Variants in NHLRC2 observed in about 807,000 individuals in gnomAD.
The protein encoded by NHLRC2 is NHL repeat-containing protein 2.
Under a neutral mutation model 68.1 loss-of-function variants are expected in NHLRC2, and 33 were observed. That is an observed-to-expected ratio of 0.48 (90% CI 0.37 to 0.65). NHLRC2 has a LOEUF of 0.65. Ranked by LOEUF, NHLRC2 falls within the 30% of genes least tolerant of loss-of-function variation. The probability of loss-of-function intolerance (pLI) is 0.00; values close to 1 mark genes in which losing one functional copy is unlikely to be tolerated. For synonymous variants in NHLRC2, 311 were observed against 309.6 expected, an observed-to-expected ratio of 1.00 and a Z score of -0.05; for missense variants, 761 against 853.8, an observed-to-expected ratio of 0.89 and a Z score of 1.35.
At chr10:113,902,033 G>C (rs1846234083) in intron 7 of NHLRC2, 136 bp downstream of exon 7, 4 of 631,844 alleles carry the variant, frequency 6.3e-6, no homozygotes, top group Non-Finnish European at 1.1e-5. Context: ...TCAGACCAAA[G>C]GAAATGTGAA....
rs537050313 is a variant in NHLRC2 at position 113,865,290 on chromosome 10, C to G, written c.331+6610C>G. Among the ~76,000 whole-genome samples the G allele has an allele frequency of 2.9e-4, 41 of 142,286 alleles. 2 individuals carry two copies. Among genetic ancestry groups the G allele is most frequent in the South Asian group, 5.1e-4 (2 of 3,896 alleles). The allele number at this position is 142,286 out of a possible 152,430, so 93.3% of individuals were successfully genotyped here. On this transcript the variant is annotated intron_variant, in intron 2 of 10. Coordinates refer to ENST00000369301, the MANE Select transcript of NHLRC2 (RefSeq NM_198514.4). ...TAAAAATCGCTTTTCATCCCCCCCC[C>G]CCGTTCCTCTCACCATATAATAGAG...
chr10:113,902,007 C>A, intron 7 of NHLRC2, 110 bp downstream of exon 7: 1 of 742,368 alleles, frequency 1.3e-6, no homozygotes, highest in Admixed American at 2.7e-5. Flanking sequence ...GGCCTATCTG[C>A]GAATCAAAAT....
chr10:113,879,196 T>C (rs1846014159), intron 3 of NHLRC2, among the ~76,000 whole-genome samples: 1 of 152,148 alleles, frequency 6.6e-6, no homozygotes, highest in Non-Finnish European at 1.5e-5. Context: ...TGTGTATTTT[T>C]CTAGGGAAAG....
intron 2 of NHLRC2, among the ~76,000 whole-genome samples, chr10:113,863,765 C>T (rs1845837383): frequency 6.6e-6 from 1 of 151,978 alleles, no homozygotes; most frequent in African/African-American, 2.4e-5. Context: ...TTATTAAAAT[C>T]AGGAATGAAA....
intron 2 of NHLRC2, among the ~76,000 whole-genome samples, chr10:113,872,304 A>C (rs933809471): frequency 8.5e-5 from 13 of 152,168 alleles, no homozygotes; most frequent in Non-Finnish European, 1.6e-4. Context: ...CCTTACACCA[A>C]TGCTATTCAT....
chr10:113,878,712 AGAGATG>A, intron 3 of NHLRC2, among the ~76,000 whole-genome samples: 1 of 152,222 alleles, frequency 6.6e-6, no homozygotes, highest in East Asian at 1.9e-4. Context: ...TATTTTTAAT[AGAGATG>A]GGGTTTCATT....
chr10:113,887,580 G>A (rs140363732), intron 5 of NHLRC2, among the ~76,000 whole-genome samples: 49 of 152,086 alleles, frequency 3.2e-4, no homozygotes, highest in African/African-American at 1.1e-3. Context: ...GACCAGCCTC[G>A]CCAACGTGGT....
intron 5 of NHLRC2, among the ~76,000 whole-genome samples, chr10:113,886,290 A>G (rs992060688): frequency 1.3e-5 from 2 of 152,174 alleles, no homozygotes; most frequent in African/African-American, 4.8e-5. Context: ...AAGAATTAAT[A>G]TTGTTAAAAT....
At chr10:113,891,435 T>C (rs376183341) in intron 5 of NHLRC2, among the ~76,000 whole-genome samples, 3 of 152,356 alleles carry the variant, frequency 2.0e-5, no homozygotes, top group East Asian at 1.9e-4. Flanking sequence ...AGTCATCTTG[T>C]ATAAAACAAT....
At position 113,908,526 on chromosome 10, in the gene NHLRC2, A is replaced by G. The variant is rs1190067763; in HGVS notation, c.2171A>G (p.Tyr724Cys). 4 of 1,614,052 alleles carry G rather than the reference A, an allele frequency of 2.5e-6. No homozygotes were observed. Among genetic ancestry groups the G allele is most frequent in the South Asian group, 1.1e-5 (1 of 91,084 alleles). ...TGCATAGCTCCAGTAGAGCTCAGGT[A>G]TGTATTTTAGCCAGCCAGCTAGCTA... Reference protein sequence around the residue: ...QGCIAPVELRYVF With the variant: ...QGCIAPVELRCVF Residue 724 changes from tyrosine (Y) to cysteine (C), a missense_variant, in exon 11 of 11, where the codon TAT becomes TGT. Transcript: ENST00000369301.
intron 2 of NHLRC2, among the ~76,000 whole-genome samples, chr10:113,861,855 G>A (rs1039248516): frequency 6.6e-6 from 1 of 151,596 alleles, no homozygotes; most frequent in Non-Finnish European, 1.5e-5. Context: ...TAATGTTATT[G>A]TAACATCACA....
At chr10:113,866,083 A>G (rs1408243708) in intron 2 of NHLRC2, among the ~76,000 whole-genome samples, 1 of 152,258 alleles carries the variant, frequency 6.6e-6, no homozygotes, top group Non-Finnish European at 1.5e-5. Context: ...AAAACCTTGA[A>G]AGAGGCCCAA....
Position 113,876,914 on chromosome 10 carries a change from A to G in NHLRC2, c.725A>G (p.Asp242Gly). Reference protein sequence around the residue: ...DQVTDRLVIADTGHHRILVVW... With the variant: ...DQVTDRLVIAGTGHHRILVVW... ...GTTACTGATAGATTGGTAATAGCAG[A>G]CACTGGACATCATAGAATTTTGGTC... The change falls in exon 3 of 11, where the codon GAC becomes GGC. Residue 242 changes from aspartate (D) to glycine (G), a missense_variant. Coordinates refer to ENST00000369301, the MANE Select transcript of NHLRC2 (RefSeq NM_198514.4). The G allele has an allele frequency of 6.2e-7, 1 of 1,610,070 alleles. No homozygotes were observed. Among genetic ancestry groups the G allele is most frequent in the Non-Finnish European group, 8.5e-7 (1 of 1,178,928 alleles).
chr10:113,896,199 A>G (rs951081314), intron 5 of NHLRC2, among the ~76,000 whole-genome samples: 7 of 152,280 alleles, frequency 4.6e-5, no homozygotes, highest in South Asian at 4.2e-4. Flanking sequence ...TCATGCTACT[A>G]TAAAGACACA....
At chr10:113,874,398 T>G in intron 2 of NHLRC2, among the ~76,000 whole-genome samples, 1 of 150,386 alleles carries the variant, frequency 6.6e-6, no homozygotes, top group Non-Finnish European at 1.5e-5. Flanking sequence ...CAGGCAACCA[T>G]TCCTCATTGC....
intron 5 of NHLRC2, among the ~76,000 whole-genome samples, chr10:113,890,741 C>G (rs1846123281): frequency 6.6e-6 from 1 of 152,032 alleles, no homozygotes; most frequent in Admixed American, 6.6e-5. Flanking sequence ...TCAGCTGTGT[C>G]TAGTCAACTG....
intron 1 of NHLRC2, among the ~76,000 whole-genome samples, chr10:113,856,570 CTG>C (rs1845761571): frequency 6.6e-6 from 1 of 152,118 alleles, no homozygotes; most frequent in Non-Finnish European, 1.5e-5. Context: ...AGTAAGTACA[CTG>C]TTATAAACAA....
chr10:113,854,871 A>G lies in NHLRC2; in HGVS notation c.-2A>G. The G allele has an allele frequency of 3.2e-6, 5 of 1,539,950 alleles. No homozygotes were observed. The highest frequency in any genetic ancestry group is 4.4e-6 in the Non-Finnish European group (5 of 1,142,896). The stretch of plus-strand genomic sequence containing the variant: ...CGGCCGCATCGGGAGCCCGGCGGAA[A>G]CATGGCGGCGCCCGGAGGCCGGGGC... On this transcript the variant is annotated 5_prime_UTR_variant, in exon 1 of 11. Coordinates refer to ENST00000369301, the MANE Select transcript of NHLRC2 (RefSeq NM_198514.4).
At position 113,901,693 on chromosome 10, in the gene NHLRC2, G is replaced by A. The variant is rs191692895; in HGVS notation, c.1167G>A (p.Arg389=). 19 of 1,614,148 alleles carry A rather than the reference G, an allele frequency of 1.2e-5. No individual in the cohort carries two copies. The East Asian group carries it at 4.2e-4, about 36-fold the overall frequency. ...AGTTAACAAAAGGAACCTGCCTTAGGTTTGCTGGAAGTGGAAATGAAGAGA... is the reference window on the plus strand; with the variant it reads ...AGTTAACAAAAGGAACCTGCCTTAGATTTGCTGGAAGTGGAAATGAAGAGA... ...KNELTKGTCL[R]FAGSGNEENR... Residue 389 remains arginine, a synonymous_variant, in exon 7 of 11, where the codon AGG becomes AGA. Transcript: ENST00000369301.
Sources: allele counts gnomAD v4.1 joint callset (sites outside exome capture counted in the v4.1 genomes callset), GRCh38; gene constraint gnomAD v4.1.1; transcripts MANE v1.5; gene names NCBI Gene and HGNC (gene_info 2026-07-23, HGNC 2026-07-21).